The following PTPN3 variants were observed in gnomAD, a reference collection of about 807,000 sequenced individuals.
PTPN3 encodes protein tyrosine phosphatase non-receptor type 3, also known as tyrosine-protein phosphatase non-receptor type 3.
A neutral mutation model predicts 132.7 loss-of-function variants in PTPN3; 96 were observed. The observed-to-expected ratio is 0.72, with a 90% CI of 0.61 to 0.86. The LOEUF is 0.86. Among genes scored for constraint, PTPN3 ranks in the 40% least tolerant of loss-of-function variants. PTPN3 has a pLI of 0.00. For missense variants in PTPN3, 1,125 were observed against 1,159.6 expected (o/e 0.97, Z 0.43); for synonymous variants, 398 against 429.0 (o/e 0.93, Z 0.89).
At chr9:109,392,261 C>T (rs182801506) in intron 19 of PTPN3, among the ~76,000 whole-genome samples, 20 of 152,290 alleles carry the variant, frequency 1.3e-4, no homozygotes, top group African/African-American at 4.6e-4. Context: ...TCAGATCTGA[C>T]TCCAAGGCTT....
Position 109,436,922 on chromosome 9 carries a change from C to T in PTPN3, c.636G>A (p.Arg212=). 2 of 1,614,080 alleles carry T rather than the reference C, an allele frequency of 1.2e-6. No homozygotes were observed. Among genetic ancestry groups the T allele is most frequent in the South Asian group, 1.1e-5 (1 of 91,082 alleles). Residue 212 remains arginine, a synonymous_variant, in exon 9 of 26, where the codon CGG becomes CGA. Transcript: ENST00000374541. ...GTTCTACTCCATAGAAGTCGAGGGT[C>T]CGCGCTATGTTGATATAGCAGGATT... ...EAESCYINIA[R]TLDFYGVELH...
At position 109,462,303 on chromosome 9, in the gene PTPN3, G is replaced by A. The variant is rs570969383; in HGVS notation, c.138+994C>T. On this transcript the variant is annotated intron_variant, in intron 2 of 25. Transcript: ENST00000374541. ...AGCACCCACCGTGCTAAAACTCCACGCAAACTGCCTTCTCCTCCTGCCTAC... is the reference window on the plus strand; with the variant it reads ...AGCACCCACCGTGCTAAAACTCCACACAAACTGCCTTCTCCTCCTGCCTAC... Among the ~76,000 whole-genome samples the A allele has an allele frequency of 3.0e-4, 46 of 152,352 alleles. 1 individual carries two copies. The South Asian group carries it at 9.1e-3, about 30-fold the overall frequency.
At chr9:109,482,611 G>A (rs1847011604) in intron 1 of PTPN3, among the ~76,000 whole-genome samples, 4 of 152,196 alleles carry the variant, frequency 2.6e-5, no homozygotes, top group South Asian at 2.1e-4. Context: ...TTAAATCTCC[G>A]TCCTCTGACT....
At chr9:109,401,102 A>G (rs1486201414) in intron 19 of PTPN3, among the ~76,000 whole-genome samples, 1 of 152,246 alleles carries the variant, frequency 6.6e-6, no homozygotes, top group African/African-American at 2.4e-5. Flanking sequence ...CTACTTAAAT[A>G]TCCTACTTGA....
In PTPN3 at chr9:109,382,257, G is replaced by A. The variant is rs755014758; in HGVS notation, c.2528+45C>T. 1.8e-5 allele frequency: 29 copies of A among 1,597,718 alleles called. No individual in the cohort carries two copies. The East Asian group carries it at 3.1e-4, about 17-fold the overall frequency. On this transcript the variant is annotated intron_variant, in intron 24 of 25. Coordinates refer to ENST00000374541, the MANE Select transcript of PTPN3 (RefSeq NM_002829.4). ...TGCCAATTGTCTCCAGGCCTTTTCC[G>A]ACAGGGAAAGGATTCCAAACCTAAC...
chr9:109,393,384 CTTTTTTTTTTT>C (rs929613549), intron 19 of PTPN3, among the ~76,000 whole-genome samples: 1 of 119,910 alleles, frequency 8.3e-6, no homozygotes, highest in Non-Finnish European at 1.8e-5. Context: ...TTTTTTTTGT[CTTTTTTTTTTT>C]TTTTTTTTGA....
chr9:109,432,462 G>A (rs768867688), intron 10 of PTPN3, among the ~76,000 whole-genome samples: 2 of 152,050 alleles, frequency 1.3e-5, no homozygotes, highest in Non-Finnish European at 2.9e-5. Context: ...GCACCATCAC[G>A]TTACCATTAT....
intron 1 of PTPN3, among the ~76,000 whole-genome samples, chr9:109,491,760 T>C (rs1354900611): frequency 6.6e-6 from 1 of 152,130 alleles, no homozygotes; most frequent in East Asian, 1.9e-4. Context: ...ACCCACAGGA[T>C]GAAGTAATCA....
chr9:109,508,075 C>A, the PTPN3 span, among the ~76,000 whole-genome samples: 1 of 152,152 alleles, frequency 6.6e-6, no homozygotes, highest in East Asian at 1.9e-4. Context: ...TAAGGTCCAT[C>A]TCAGAAACTG....
intron 7 of PTPN3, among the ~76,000 whole-genome samples, chr9:109,443,587 G>GTGAA (rs1844644070): frequency 6.6e-6 from 1 of 152,214 alleles, no homozygotes; most frequent in Non-Finnish European, 1.5e-5. Flanking sequence ...AGCTCAGGCT[G>GTGAA]TGAACACCAA....
rs1167597195 is a variant in PTPN3, at chr9:109,375,793, G to GA, written c.*3762dup. The GA allele has an allele frequency of 6.6e-6, 1 of 152,126 alleles. No homozygotes were observed. The highest frequency in any genetic ancestry group is 1.5e-5 in the Non-Finnish European group (1 of 68,008). The allele number at this position is 152,126 out of a possible 1,614,324, so 9.4% of individuals were successfully genotyped here. On this transcript the variant is annotated 3_prime_UTR_variant, in exon 26 of 26. Coordinates refer to ENST00000374541, the MANE Select transcript of PTPN3 (RefSeq NM_002829.4). The stretch of plus-strand genomic sequence containing the variant: ...GAATGAAAAACATTCCAAATATACA[G>GA]AAAAAAGATTACTGCTCAGTTAAGG...
chr9:109,402,050 A>C (rs1297433701), intron 19 of PTPN3, among the ~76,000 whole-genome samples: 1 of 152,132 alleles, frequency 6.6e-6, no homozygotes, highest in African/African-American at 2.4e-5. Flanking sequence ...TCCTTCCCTC[A>C]TCAGGTTCCT....
intron 19 of PTPN3, among the ~76,000 whole-genome samples, chr9:109,393,384 CTTTTTTT>C (rs929613549): frequency 6.7e-5 from 8 of 119,910 alleles, no homozygotes; most frequent in South Asian, 2.7e-4. Context: ...TTTTTTTTGT[CTTTTTTT>C]TTTTTTTTTT....
At chr9:109,452,870 G>A (rs1455416681) in intron 5 of PTPN3, among the ~76,000 whole-genome samples, 1 of 152,140 alleles carries the variant, frequency 6.6e-6, no homozygotes, top group Non-Finnish European at 1.5e-5. Flanking sequence ...GGCCCAGAGT[G>A]TGTTATTTAG....
the PTPN3 span, among the ~76,000 whole-genome samples, chr9:109,521,506 C>T: frequency 2.0e-5 from 3 of 152,178 alleles, no homozygotes; most frequent in African/African-American, 7.2e-5. Flanking sequence ...GTTCCCTCTG[C>T]CTGCAACATG....
chr9:109,455,413 G>C lies in PTPN3; in HGVS notation c.290-839C>G, dbSNP rs138937017. On this transcript the variant is annotated intron_variant, in intron 4 of 25. Coordinates refer to ENST00000374541, the MANE Select transcript of PTPN3 (RefSeq NM_002829.4). ...CTATCTAGGCACTGAGCACTTTCTT[G>C]CTCTCTGCAACTCAAGTCCTTCTCA... 2.0e-3 allele frequency among the ~76,000 whole-genome samples: 301 copies of C among 152,226 alleles called. 1 individual carries two copies. Among genetic ancestry groups the C allele is most frequent in the African/African-American group, 6.7e-3 (279 of 41,532 alleles).
chr9:109,405,335 G>A (rs1278562844), intron 18 of PTPN3, among the ~76,000 whole-genome samples: 1 of 152,226 alleles, frequency 6.6e-6, no homozygotes, highest in Non-Finnish European at 1.5e-5. Flanking sequence ...GTTGCAGTGG[G>A]AGCAGAGCCG....
chr9:109,513,035 G>A, the PTPN3 span, among the ~76,000 whole-genome samples: 4 of 152,128 alleles, frequency 2.6e-5, no homozygotes, highest in Admixed American at 2.6e-4. Context: ...TTGAAACAGG[G>A]TCTCACTCTG....
intron 1 of PTPN3, among the ~76,000 whole-genome samples, chr9:109,466,386 C>T (rs889241169): frequency 6.6e-6 from 1 of 152,148 alleles, no homozygotes; most frequent in African/African-American, 2.4e-5. Context: ...ACCTGTAGTC[C>T]CAGCTACTCT....
Sources: gnomAD v4.1 joint callset for allele counts (sites outside exome capture counted in the v4.1 genomes callset) on GRCh38, gnomAD v4.1.1 for gene constraint, MANE v1.5 for transcripts, NCBI Gene and HGNC (gene_info 2026-07-23, HGNC 2026-07-21) for gene names.